ATP2B2: variants seen among roughly 807,000 people sequenced by gnomAD.
The protein encoded by ATP2B2 is plasma membrane calcium-transporting ATPase 2.
ATP2B2 carries 15 observed loss-of-function variants against 120.0 expected under a neutral mutation model. That is an observed-to-expected ratio of 0.12 (90% CI 0.08 to 0.19). ATP2B2 has a LOEUF of 0.19. Ranked by LOEUF, ATP2B2 falls within the 10% of genes least tolerant of loss-of-function variation. The probability of loss-of-function intolerance (pLI) is 1.00; values close to 1 mark genes in which losing one functional copy is unlikely to be tolerated. For missense variants in ATP2B2, 1,045 were observed against 1,719.8 expected (o/e 0.61, Z 6.94); for synonymous variants, 694 against 700.3 (o/e 0.99, Z 0.14).
At chr3:10,440,100 TAAAAAAAAAAAAAAA>T (rs71055819) in intron 2 of ATP2B2, among the ~76,000 whole-genome samples, 7 of 28,142 alleles carry the variant, frequency 2.5e-4, no homozygotes, top group East Asian at 1.5e-3. Flanking sequence ...AGACTCTATC[TAAAAAAAAAAAAAAA>T]AAAAAAAAAA....
At chr3:10,478,029 A>G (rs1269077557) in intron 1 of ATP2B2, among the ~76,000 whole-genome samples, 2 of 152,152 alleles carry the variant, frequency 1.3e-5, no homozygotes, top group African/African-American at 4.8e-5. Flanking sequence ...TAATTTCCCC[A>G]CGTTCTGGCC....
intron 1 of ATP2B2, among the ~76,000 whole-genome samples, chr3:10,481,703 G>A (rs1057059872): frequency 5.3e-5 from 8 of 151,990 alleles, no homozygotes; most frequent in Admixed American, 1.3e-4. Context: ...ACAGGCGCCC[G>A]CCACCACGCC....
intron 9 of ATP2B2, 99 bp from the exon 10 acceptor site, chr3:10,378,509 C>G: frequency 6.6e-7 from 1 of 1,512,276 alleles, no homozygotes; most frequent in Non-Finnish European, 9.0e-7. Context: ...CCCCTGCCTG[C>G]CCAGGGTAGG....
At chr3:10,543,478 T>G (rs1300668874) in intron 2 of ATP2B2, among the ~76,000 whole-genome samples, 1 of 152,236 alleles carries the variant, frequency 6.6e-6, no homozygotes, top group Non-Finnish European at 1.5e-5. Flanking sequence ...TGAATGCAGA[T>G]GTGAATAGGA....
chr3:10,697,926 A>C (rs1007926991), intron 1 of ATP2B2, among the ~76,000 whole-genome samples: 6 of 152,330 alleles, frequency 3.9e-5, no homozygotes. Context: ...GGAAGGAATA[A>C]GTCTCAATCC....
At chr3:10,386,637 T>A in intron 6 of ATP2B2, 125 bp from the exon 7 acceptor site, 1 of 1,076,624 alleles carries the variant, frequency 9.3e-7, no homozygotes, top group East Asian at 2.4e-5. Flanking sequence ...AGGGTCATCC[T>A]GAAATGGGGA....
At chr3:10,656,356 C>T (rs929708019) in intron 1 of ATP2B2, among the ~76,000 whole-genome samples, 6 of 152,200 alleles carry the variant, frequency 3.9e-5, no homozygotes, top group Admixed American at 2.6e-4. Flanking sequence ...GACAGCCAAC[C>T]TGTCTAGCTC....
chr3:10,403,110 C>T (rs980480956), intron 3 of ATP2B2, among the ~76,000 whole-genome samples: 4 of 152,166 alleles, frequency 2.6e-5, no homozygotes, highest in African/African-American at 4.8e-5. Flanking sequence ...AAGTCATTGC[C>T]CTTCCCCGGC....
intron 2 of ATP2B2, among the ~76,000 whole-genome samples, chr3:10,610,903 G>C (rs1559485515): frequency 6.6e-6 from 1 of 152,304 alleles, no homozygotes; most frequent in East Asian, 1.9e-4. Context: ...AAGCCCAGCA[G>C]AGGCTGGAGA....
chr3:10,386,451 C>T (rs1575085332), intron 7 of ATP2B2, 29 bp downstream of exon 7: 1 of 1,611,630 alleles, frequency 6.2e-7, no homozygotes, highest in Non-Finnish European at 8.5e-7. Context: ...TTCTAAAAGC[C>T]CATCTACCCT....
chr3:10,350,459 T>C lies in ATP2B2; in HGVS notation c.2255A>G (p.Glu752Gly). 6.2e-7 allele frequency: 1 copy of C among 1,614,200 alleles called. No homozygotes were observed. Among genetic ancestry groups the C allele is most frequent in the Non-Finnish European group, 8.5e-7 (1 of 1,180,030 alleles). The change falls in exon 15 of 23, where the codon GAG (glutamate) becomes GGG (glycine). Residue 752 changes from glutamate to glycine, a missense_variant. Coordinates refer to ENST00000360273, the MANE Select transcript of ATP2B2 (RefSeq NM_001001331.4). Reference protein sequence around the residue: ...AIKCGIIHPGEDFLCLEGKEF... With the variant: ...AIKCGIIHPGGDFLCLEGKEF... The stretch of plus-strand genomic sequence containing the variant: ...CTTGCCCTCGAGGCACAGAAAGTCC[T>C]CCCCAGGATGGATGATGCCACACTT...
chr3:10,534,928 G>A (rs1180053960), intron 2 of ATP2B2, among the ~76,000 whole-genome samples: 7 of 127,834 alleles, frequency 5.5e-5, no homozygotes, highest in African/African-American at 2.1e-4. Flanking sequence ...TTTTGAGATG[G>A]AGTCTCACTC....
intron 8 of ATP2B2, among the ~76,000 whole-genome samples, chr3:10,383,325 AG>A (rs1249609190): frequency 1.3e-5 from 2 of 152,136 alleles, no homozygotes; most frequent in East Asian, 3.9e-4. Flanking sequence ...AAATCAGCCT[AG>A]GAAACTCTAT....
At chr3:10,645,183 A>G (rs1177552967) in intron 1 of ATP2B2, among the ~76,000 whole-genome samples, 1 of 152,216 alleles carries the variant, frequency 6.6e-6, no homozygotes, top group African/African-American at 2.4e-5. Flanking sequence ...GAAGCTGGGT[A>G]AAATACATGG....
At chr3:10,687,591 T>C (rs1206717722) in intron 1 of ATP2B2, among the ~76,000 whole-genome samples, 9 of 152,176 alleles carry the variant, frequency 5.9e-5, no homozygotes, top group Non-Finnish European at 1.5e-5. Flanking sequence ...CCAGATGAGG[T>C]GGCTCATGCC....
chr3:10,587,903 TTA>T (rs2068552196), intron 2 of ATP2B2, among the ~76,000 whole-genome samples: 1 of 152,222 alleles, frequency 6.6e-6, no homozygotes, highest in Admixed American at 6.5e-5. Flanking sequence ...CTTCCTAATG[TTA>T]TTCTGAGTTT....
At chr3:10,443,224 G>A (rs2063726998) in intron 2 of ATP2B2, among the ~76,000 whole-genome samples, 3 of 152,156 alleles carry the variant, frequency 2.0e-5, no homozygotes, top group Admixed American at 2.0e-4. Flanking sequence ...CTCTCCTCAA[G>A]AGCAGGGAAC....
At chr3:10,348,617 C>T (rs1016372550) in intron 16 of ATP2B2, among the ~76,000 whole-genome samples, 1 of 152,208 alleles carries the variant, frequency 6.6e-6, no homozygotes, top group African/African-American at 2.4e-5. Flanking sequence ...AGAGCAGTTC[C>T]CTGCCTTGCC....
At chr3:10,605,713 A>G (rs2069045753) in intron 2 of ATP2B2, among the ~76,000 whole-genome samples, 2 of 151,864 alleles carry the variant, frequency 1.3e-5, no homozygotes, top group African/African-American at 4.8e-5. Context: ...CAGTGGTGCA[A>G]TATCGGCTCA....
Sources: allele counts gnomAD v4.1 joint callset (sites outside exome capture counted in the v4.1 genomes callset), GRCh38; gene constraint gnomAD v4.1.1; transcripts MANE v1.5; gene names NCBI Gene and HGNC (gene_info 2026-07-23, HGNC 2026-07-21).